Variants in SPAG16 observed in about 807,000 individuals in gnomAD.
SPAG16 encodes sperm associated antigen 16, also known as sperm-associated antigen 16 protein.
In SPAG16, 86 loss-of-function variants were observed where a neutral mutation model predicts 80.4. The ratio of observed to expected loss-of-function variants is 1.07; its 90% CI spans 0.90 to 1.28. The LOEUF (loss-of-function observed/expected upper bound fraction) is 1.28, where lower values mean the gene tolerates loss of function less well. Among genes scored for constraint, SPAG16 ranks in the 50% most tolerant of loss-of-function variants. SPAG16 has a pLI of 0.00. For synonymous variants in SPAG16, 294 were observed against 265.9 expected (o/e 1.11, Z -1.03); for missense variants, 870 against 765.3 (o/e 1.14, Z -1.61).
chr2:213,997,524 T>G (rs928535284), intron 12 of SPAG16, among the ~76,000 whole-genome samples: 1 of 152,192 alleles, frequency 6.6e-6, no homozygotes, highest in Non-Finnish European at 1.5e-5. Context: ...GTGTACTTGA[T>G]CTACTGTGGC....
chr2:214,381,537 G>A (rs1004404280), intron 15 of SPAG16, among the ~76,000 whole-genome samples: 7 of 152,154 alleles, frequency 4.6e-5, no homozygotes, highest in Admixed American at 2.6e-4. Context: ...CAGCATGTTT[G>A]GCAAAGTTTG....
At chr2:213,842,683 C>T (rs2074421469) in intron 10 of SPAG16, among the ~76,000 whole-genome samples, 1 of 152,044 alleles carries the variant, frequency 6.6e-6, no homozygotes, top group African/African-American at 2.4e-5. Flanking sequence ...TATGAATTGT[C>T]CTTGGATGTA....
chr2:213,590,093 A>C (rs1246206553), intron 10 of SPAG16, among the ~76,000 whole-genome samples: 5 of 152,168 alleles, frequency 3.3e-5, no homozygotes, highest in Non-Finnish European at 7.3e-5. Flanking sequence ...TGGCAGTCAA[A>C]AAATATATAT....
At chr2:214,410,084 C>A (rs1347070692) in intron 15 of SPAG16, 56 bp from the exon 16 acceptor site, 12 of 1,585,738 alleles carry the variant, frequency 7.6e-6, no homozygotes. Flanking sequence ...AAACTGTGAA[C>A]ACTTGAAATA....
intron 15 of SPAG16, among the ~76,000 whole-genome samples, chr2:214,241,636 G>A (rs2125827264): frequency 6.6e-6 from 1 of 152,268 alleles, no homozygotes; most frequent in South Asian, 2.1e-4. Flanking sequence ...GATGGGAAAT[G>A]TCTGCATTCT....
intron 15 of SPAG16, among the ~76,000 whole-genome samples, chr2:214,220,568 A>G (rs1353764313): frequency 1.3e-5 from 2 of 151,978 alleles, no homozygotes; most frequent in African/African-American, 4.8e-5. Flanking sequence ...ATAATTAAAC[A>G]CTCTGTGTTC....
chr2:214,060,913 T>G (rs993081932), intron 13 of SPAG16, among the ~76,000 whole-genome samples: 1 of 152,184 alleles, frequency 6.6e-6, no homozygotes, highest in East Asian at 1.9e-4. Context: ...AAGCAATGAT[T>G]TTCAAGACAT....
chr2:213,800,173 C>T (rs929870735), intron 10 of SPAG16, among the ~76,000 whole-genome samples: 1 of 152,124 alleles, frequency 6.6e-6, no homozygotes, highest in Non-Finnish European at 1.5e-5. Flanking sequence ...AGCAATATTA[C>T]AGTCTCAGTT....
At chr2:213,966,591 G>A (rs2044722150) in intron 12 of SPAG16, among the ~76,000 whole-genome samples, 1 of 152,154 alleles carries the variant, frequency 6.6e-6, no homozygotes. Context: ...TAAGCAAGGT[G>A]ATTAAGGGTG....
chr2:214,317,041 C>G (rs1018689985), intron 15 of SPAG16, among the ~76,000 whole-genome samples: 2 of 152,188 alleles, frequency 1.3e-5, no homozygotes, highest in African/African-American at 2.4e-5. Context: ...AGTAACATCC[C>G]CTTGTTAGAA....
intron 15 of SPAG16, among the ~76,000 whole-genome samples, chr2:214,264,585 G>A (rs114574485): frequency 3.6e-4 from 55 of 151,740 alleles, no homozygotes; most frequent in Non-Finnish European, 6.2e-4. Flanking sequence ...TTTTGCATTC[G>A]TATGGTACAA....
intron 13 of SPAG16, among the ~76,000 whole-genome samples, chr2:214,067,205 T>G (rs1485302393): frequency 6.6e-6 from 1 of 152,144 alleles, no homozygotes; most frequent in Non-Finnish European, 1.5e-5. Flanking sequence ...ATCCATCACT[T>G]TCATTGTTCC....
At chr2:214,291,455 G>T (rs929546967) in intron 15 of SPAG16, among the ~76,000 whole-genome samples, 1 of 150,466 alleles carries the variant, frequency 6.6e-6, no homozygotes, top group African/African-American at 2.4e-5. Flanking sequence ...ACAGGCGCCC[G>T]CCACTACGCC....
At position 214,325,828 on chromosome 2, in the gene SPAG16, A is replaced by C. The variant is rs185891874; in HGVS notation, c.1721-84312A>C. 5.2e-4 allele frequency among the ~76,000 whole-genome samples: 79 copies of C among 152,278 alleles called. 2 individuals carry two copies. In the East Asian group the frequency reaches 0.014, roughly 27 times the overall value. On this transcript the variant is annotated intron_variant, in intron 15 of 15. Coordinates refer to ENST00000331683, the MANE Select transcript of SPAG16 (RefSeq NM_024532.5). ...ATACTGAGATAAAAAGCAGAAAAGG[A>C]AATAGAGATATTGATTTTAAAGGAA...
Position 213,284,586 on chromosome 2 carries a change from G to A in SPAG16, c.103G>A (p.Ala35Thr). Residue 35 changes from alanine (A) to threonine (T), a missense_variant, in exon 1 of 16, where the codon GCG becomes ACG. Transcript: ENST00000331683. ...CGGGGACGCGAGGGACACGGCGGAC[G>A]CGGTGGCGGCTGAGGGCGCCTACTA... is the stretch of plus-strand genomic sequence containing the variant. ...AAGDARDTAD[A>T]VAAEGAYYLE... 1 of 1,609,670 alleles carries A rather than the reference G, an allele frequency of 6.2e-7. No individual in the cohort carries two copies. The highest frequency in any genetic ancestry group is 2.2e-5 in the East Asian group (1 of 44,746).
intron 10 of SPAG16, among the ~76,000 whole-genome samples, chr2:213,754,758 T>C (rs937625619): frequency 1.3e-5 from 2 of 152,222 alleles, no homozygotes; most frequent in South Asian, 4.1e-4. Context: ...AGAAAGCCTG[T>C]TAGTTGGAGT....
At chr2:213,803,624 C>T (rs2071555271) in intron 10 of SPAG16, among the ~76,000 whole-genome samples, 1 of 152,132 alleles carries the variant, frequency 6.6e-6, no homozygotes, top group East Asian at 1.9e-4. Context: ...TCCAGAGCCG[C>T]GAGGTGTTCA....
chr2:214,014,904 G>A (rs944896682), intron 13 of SPAG16, among the ~76,000 whole-genome samples: 3 of 152,052 alleles, frequency 2.0e-5, no homozygotes, highest in Non-Finnish European at 4.4e-5. Flanking sequence ...GTGGCCATTC[G>A]GACAAGCTGG....
At chr2:214,166,967 A>G (rs1336962851) in intron 15 of SPAG16, among the ~76,000 whole-genome samples, 1 of 152,142 alleles carries the variant, frequency 6.6e-6, no homozygotes, top group African/African-American at 2.4e-5. Flanking sequence ...TCCCACATCT[A>G]ACACTAAGTC....
Sources: allele counts gnomAD v4.1 joint callset (sites outside exome capture counted in the v4.1 genomes callset), GRCh38; gene constraint gnomAD v4.1.1; transcripts MANE v1.5; gene names NCBI Gene and HGNC (gene_info 2026-07-23, HGNC 2026-07-21).